GSTCD: variants seen among roughly 807,000 people sequenced by gnomAD.
The protein encoded by GSTCD is glutathione S-transferase C-terminal domain-containing protein.
In GSTCD, 44 loss-of-function variants were observed where a neutral mutation model predicts 68.3. That is an observed-to-expected ratio of 0.64 (90% CI 0.51 to 0.83). The LOEUF (loss-of-function observed/expected upper bound fraction) is 0.83, where lower values mean the gene tolerates loss of function less well. Among genes scored for constraint, GSTCD ranks in the 40% least tolerant of loss-of-function variants. GSTCD has a pLI of 0.00. For missense variants in GSTCD, 739 were observed against 735.9 expected (o/e 1.00, Z -0.05); for synonymous variants, 273 against 255.2 (o/e 1.07, Z -0.67).
At chr4:105,744,156 C>T (rs554413301) in intron 5 of GSTCD, among the ~76,000 whole-genome samples, 4 of 152,074 alleles carry the variant, frequency 2.6e-5, no homozygotes, top group Non-Finnish European at 5.9e-5. Flanking sequence ...TAGAATGTCT[C>T]TCAATTTGGA....
At position 105,822,971 on chromosome 4, in the gene GSTCD, C is replaced by T. The variant is rs763899318; in HGVS notation, c.1258C>T (p.Arg420Ter). 22 of 1,612,650 alleles carry T rather than the reference C, an allele frequency of 1.4e-5. No individual in the cohort carries two copies. Among genetic ancestry groups the T allele is most frequent in the Non-Finnish European group, 1.7e-5 (20 of 1,179,116 alleles). ...SPKEGKMSSD[R>*]ALRKQQQLNN... ...TTTCTCAGGTAAAATGTCCAGTGAT[C>T]GAGCTTTGAGGAAGCAGCAACAGTT... The change falls in exon 6 of 12, where the codon CGA becomes TGA. Residue 420 changes from arginine (R) to a stop codon, truncating the protein, a stop_gained. Transcript: ENST00000515279. LOFTEE classifies it high-confidence loss of function.
chr4:105,823,245 T>C lies in GSTCD; in HGVS notation c.1371T>C (p.Ile457=), dbSNP rs1425021880. 6.8e-6 allele frequency: 11 copies of C among 1,613,884 alleles called. No individual in the cohort carries two copies. Among genetic ancestry groups the C allele is most frequent in the Non-Finnish European group, 9.3e-6 (11 of 1,179,788 alleles). The change falls in exon 7 of 12, where the codon ATT becomes ATC. Residue 457 remains isoleucine, a synonymous_variant. Transcript: ENST00000515279. ...DFCSGGGHVG[I]VLAHMLPSCQ... is the part of the protein sequence containing the mutation. ...GACTTTTTCAGGGCCATGTTGGAAT[T>C]GTCCTTGCTCACATGCTGCCATCAT...
At chr4:105,766,887 C>CTTTTTTTTTT in intron 5 of GSTCD, among the ~76,000 whole-genome samples, 8 of 57,128 alleles carry the variant, frequency 1.4e-4, no homozygotes, top group African/African-American at 5.6e-4. Flanking sequence ...GTTTTTGACT[C>CTTTTTTTTTT]TTTTTTTTTT....
chr4:105,716,591 C>T (rs146676379), intron 1 of GSTCD, among the ~76,000 whole-genome samples: 6 of 152,226 alleles, frequency 3.9e-5, no homozygotes, highest in Non-Finnish European at 5.9e-5. Flanking sequence ...CTTAACTGCA[C>T]GCAGGAGGGA....
chr4:105,735,120 G>A (rs987017602), intron 5 of GSTCD, among the ~76,000 whole-genome samples: 2 of 152,130 alleles, frequency 1.3e-5, no homozygotes, highest in Non-Finnish European at 2.9e-5. Context: ...TAGGCTACTC[G>A]GGGGGTCAGG....
At chr4:105,720,411 A>T (rs1051217567) in intron 3 of GSTCD, among the ~76,000 whole-genome samples, 3 of 152,212 alleles carry the variant, frequency 2.0e-5, no homozygotes, top group Admixed American at 6.5e-5. Context: ...TTCTCATTAT[A>T]TATCACCAAC....
At chr4:105,829,623 A>G (rs1723814846) in intron 8 of GSTCD, among the ~76,000 whole-genome samples, 1 of 152,156 alleles carries the variant, frequency 6.6e-6, no homozygotes, top group African/African-American at 2.4e-5. Flanking sequence ...TGAGAACAGC[A>G]TGGGAAAGAC....
chr4:105,799,566 G>A (rs1736026659), intron 5 of GSTCD, among the ~76,000 whole-genome samples: 2 of 152,046 alleles, frequency 1.3e-5, no homozygotes, highest in Non-Finnish European at 2.9e-5. Context: ...GAGAACAGCT[G>A]GTTGTTGGAG....
At chr4:105,769,830 A>G (rs1734772206) in intron 5 of GSTCD, among the ~76,000 whole-genome samples, 2 of 152,100 alleles carry the variant, frequency 1.3e-5, no homozygotes, top group South Asian at 4.1e-4. Context: ...TTTATAGCTC[A>G]CTGCAGCCTC....
In GSTCD at chr4:105,823,029, C is replaced by T. The variant is rs1723387564; in HGVS notation, c.1316C>T (p.Ala439Val). The T allele has an allele frequency of 6.2e-7, 1 of 1,613,700 alleles. No homozygotes were observed. The highest frequency in any genetic ancestry group is 1.1e-5 in the South Asian group (1 of 91,072). Reference protein sequence around the residue: ...NNLVYVVTNQAKPGDRIVDFC... With the variant: ...NNLVYVVTNQVKPGDRIVDFC... ...CTTGTCTATGTGGTAACAAATCAGG[C>T]CAAACCTGGTGACAGAATTGTGGAT... Residue 439 changes from alanine to valine, a missense_variant, in exon 6 of 12, where the codon GCC becomes GTC. Coordinates refer to ENST00000515279, the MANE Select transcript of GSTCD (RefSeq NM_001370181.1).
chr4:105,733,020 T>C (rs548709729), intron 5 of GSTCD, among the ~76,000 whole-genome samples: 2 of 152,374 alleles, frequency 1.3e-5, no homozygotes, highest in Non-Finnish European at 2.9e-5. Flanking sequence ...TTCTTAATGC[T>C]GAGTTCTAGT....
intron 5 of GSTCD, chr4:105,761,894 G>A (rs1003143410): frequency 1.3e-5 from 2 of 152,130 alleles, no homozygotes; most frequent in Admixed American, 1.3e-4. Flanking sequence ...TATTTCTAGA[G>A]CTGCTTTTTA....
intron 2 of GSTCD, among the ~76,000 whole-genome samples, chr4:105,718,790 G>T (rs1732765226): frequency 6.6e-6 from 1 of 152,112 alleles, no homozygotes; most frequent in Admixed American, 6.6e-5. Flanking sequence ...TTATTGTGGG[G>T]GCTAGGAGGA....
Position 105,717,671 on chromosome 4 carries a change from C to T in GSTCD, c.58C>T (p.His20Tyr), listed in dbSNP as rs759828899. 2.5e-6 allele frequency: 4 copies of T among 1,609,158 alleles called. No individual in the cohort carries two copies. In the South Asian group the frequency reaches 4.5e-5, roughly 18 times the overall value. The change falls in exon 2 of 12, where the codon CAC becomes TAC. Residue 20 changes from histidine (H) to tyrosine (Y), a missense_variant. By Grantham distance (83) the His-to-Tyr change is moderately conservative. Transcript: ENST00000515279. ...AGAATACCTGTACCTGGACTTTTCT[C>T]ACCAAACAGAAGGATGCATCTTTCC... ...EEEYLYLDFS[H>Y]QTEGCIFPLH... is the part of the protein sequence containing the mutation.
chr4:105,812,614 C>G (rs2149267692), intron 5 of GSTCD, among the ~76,000 whole-genome samples: 1 of 152,194 alleles, frequency 6.6e-6, no homozygotes, highest in Admixed American at 6.5e-5. Flanking sequence ...AAAGAAGCAC[C>G]TACTCTGGGT....
intron 5 of GSTCD, among the ~76,000 whole-genome samples, chr4:105,802,450 T>C (rs999582232): frequency 5.3e-5 from 8 of 152,136 alleles, no homozygotes; most frequent in African/African-American, 1.9e-4. Flanking sequence ...TTTCTTAGGA[T>C]ACCTAAAGGC....
At chr4:105,791,469 CGTTT>C (rs963790783) in intron 5 of GSTCD, among the ~76,000 whole-genome samples, 10 of 151,166 alleles carry the variant, frequency 6.6e-5, no homozygotes, top group South Asian at 2.1e-4. Flanking sequence ...GAGTAAAACA[CGTTT>C]GTTTGTTTGT....
intron 5 of GSTCD, among the ~76,000 whole-genome samples, chr4:105,816,968 A>G (rs1006821082): frequency 1.3e-5 from 2 of 152,002 alleles, no homozygotes; most frequent in Admixed American, 6.6e-5. Context: ...TGTATCAAAT[A>G]TGCAAGTGCT....
intron 5 of GSTCD, among the ~76,000 whole-genome samples, chr4:105,815,851 T>TA (rs1339816665): frequency 2.0e-5 from 3 of 152,196 alleles, no homozygotes; most frequent in African/African-American, 7.2e-5. Context: ...GTGGGCAACT[T>TA]AGACAATATT....
Sources: gnomAD v4.1 joint callset for allele counts (sites outside exome capture counted in the v4.1 genomes callset) on GRCh38, gnomAD v4.1.1 for gene constraint, MANE v1.5 for transcripts, NCBI Gene and HGNC (gene_info 2026-07-23, HGNC 2026-07-21) for gene names.